Variants in PIK3CD observed in about 807,000 individuals in gnomAD.
The protein encoded by PIK3CD is phosphatidylinositol-4,5-bisphosphate 3-kinase catalytic subunit delta.
In PIK3CD, 20 loss-of-function variants were observed where a neutral mutation model predicts 122.9. The observed-to-expected ratio is 0.16, with a 90% confidence interval of 0.11 to 0.24. PIK3CD has a LOEUF of 0.24. PIK3CD is among the 10% of genes least tolerant of loss of function. The pLI is 1.00. For synonymous variants in PIK3CD, 596 were observed against 593.4 expected, an observed-to-expected ratio of 1.00 and a Z score of -0.06; for missense variants, 787 against 1,406.3, an observed-to-expected ratio of 0.56 and a Z score of 7.04.
intron 1 of PIK3CD, among the ~76,000 whole-genome samples, chr1:9,667,921 T>TG (rs1645212149): frequency 6.8e-6 from 1 of 146,428 alleles, no homozygotes; most frequent in Admixed American, 6.8e-5. Flanking sequence ...TTTTTTTTTT[T>TG]TTTTTTTTTT....
rs1396205131 is a variant in PIK3CD at position 9,704,787 on chromosome 1, T to C, written c.-32-5637T>C. 6.6e-6 allele frequency among the ~76,000 whole-genome samples: 1 copy of C among 152,262 alleles called. No homozygotes were observed. Among genetic ancestry groups the C allele is most frequent in the Non-Finnish European group, 1.5e-5 (1 of 68,046 alleles). On this transcript the variant is annotated intron_variant, in intron 2 of 23. Coordinates refer to ENST00000377346, the MANE Select transcript of PIK3CD (RefSeq NM_005026.5). The surrounding 1 kb of genome is among the most constrained non-coding windows in gnomAD (Gnocchi z 5.0). ...CCTCAGCCTCCCAAAGTGCTGGGAT[T>C]ACAGGCGTGAGCCACCACGCCCAGC...
At chr1:9,676,447 C>T (rs181313239) in intron 1 of PIK3CD, among the ~76,000 whole-genome samples, 18 of 152,320 alleles carry the variant, frequency 1.2e-4, no homozygotes, top group African/African-American at 2.2e-4. Context: ...GGCAGAAGGA[C>T]GCAGCTCTGG....
At chr1:9,655,518 C>A (rs1393373347) in intron 1 of PIK3CD, among the ~76,000 whole-genome samples, 3 of 133,550 alleles carry the variant, frequency 2.2e-5, no homozygotes, top group African/African-American at 8.4e-5. Flanking sequence ...CGGCCATTCT[C>A]CCCTCCCTGA....
At chr1:9,630,605 T>C in the PIK3CD span, among the ~76,000 whole-genome samples, 1 of 152,096 alleles carries the variant, frequency 6.6e-6, no homozygotes, top group African/African-American at 2.4e-5. Context: ...GAGGGGATGA[T>C]ATAGCCAGGA....
intron 1 of PIK3CD, among the ~76,000 whole-genome samples, chr1:9,677,990 C>A (rs180994674): frequency 1.3e-5 from 2 of 151,802 alleles, no homozygotes; most frequent in Admixed American, 1.3e-4. Context: ...ACTAAAAATA[C>A]TAAATTAGCT....
chr1:9,719,231 G>T lies in PIK3CD; in HGVS notation c.1242+316G>T, dbSNP rs1256484336. Reference sequence around the variant, plus strand: ...TCATCCCTGGAGCAGAAAAGCCTGAGTCAGCGGCTGGCCGGGAGGCGTAGT... The same window carrying T: ...TCATCCCTGGAGCAGAAAAGCCTGATTCAGCGGCTGGCCGGGAGGCGTAGT... On this transcript the variant is annotated intron_variant, in intron 9 of 23. Transcript: ENST00000377346. The surrounding 1 kb of genome is among the most constrained non-coding windows in gnomAD (Gnocchi z 5.5). Among the ~76,000 whole-genome samples the T allele has an allele frequency of 6.6e-6, 1 of 152,256 alleles. No homozygotes were observed. The highest frequency in any genetic ancestry group is 6.5e-5 in the Admixed American group (1 of 15,286).
rs1162500446 is a variant in PIK3CD, at chr1:9,723,732, C to T, written c.2595-237C>T. Among the ~76,000 whole-genome samples the T allele has an allele frequency of 6.6e-6, 1 of 152,166 alleles. No homozygotes were observed. Among genetic ancestry groups the T allele is most frequent in the Non-Finnish European group, 1.5e-5 (1 of 68,030 alleles). On this transcript the variant is annotated intron_variant, in intron 20 of 23. Coordinates refer to ENST00000377346, the MANE Select transcript of PIK3CD (RefSeq NM_005026.5). The surrounding 1 kb of genome is among the most constrained non-coding windows in gnomAD (Gnocchi z 4.9). The stretch of plus-strand genomic sequence containing the variant: ...TGCATGTGGTCTCCTCATTTAGCAG[C>T]CTCACCTTCCTTCCGTGGCTCTGTA...
intron 1 of PIK3CD, among the ~76,000 whole-genome samples, chr1:9,683,453 A>AAAC (rs1235277289): frequency 5.9e-5 from 7 of 118,478 alleles, no homozygotes; most frequent in East Asian, 2.4e-4. Flanking sequence ...AAAAAAATAA[A>AAAC]AACAACAACA....
chr1:9,642,094 T>TTTTAATTTAA, the PIK3CD span, among the ~76,000 whole-genome samples: 14 of 151,192 alleles, frequency 9.3e-5, no homozygotes, highest in African/African-American at 3.4e-4. Context: ...CTGTTCTATT[T>TTTTAATTTAA]TTTAATTTAA....
At chr1:9,659,925 A>AT (rs959021507) in intron 1 of PIK3CD, among the ~76,000 whole-genome samples, 5 of 151,724 alleles carry the variant, frequency 3.3e-5, no homozygotes, top group Non-Finnish European at 2.9e-5. Flanking sequence ...TAATTTTTGT[A>AT]TTTTTTTGAG....
At position 9,664,481 on chromosome 1, in the gene PIK3CD, A is replaced by C. The variant is rs1299966977; in HGVS notation, c.-138+12679A>C. 3.3e-5 allele frequency among the ~76,000 whole-genome samples: 5 copies of C among 152,206 alleles called. No homozygotes were observed. In the East Asian group the frequency reaches 7.7e-4, roughly 23 times the overall value. ...ACAAGGGGAGGGTGAACTGGCACCC[A>C]AAGCCCTGCACAGATACAGGGGGTT... On this transcript the variant is annotated intron_variant, in intron 1 of 23. Transcript: ENST00000377346.
intron 2 of PIK3CD, among the ~76,000 whole-genome samples, chr1:9,693,036 CTTTT>C (rs1646265529): frequency 6.6e-6 from 1 of 152,086 alleles, no homozygotes; most frequent in African/African-American, 2.4e-5. Flanking sequence ...AATCCTCATG[CTTTT>C]TTATTTATAA....
At chr1:9,632,659 T>A in the PIK3CD span, among the ~76,000 whole-genome samples, 1 of 152,036 alleles carries the variant, frequency 6.6e-6, no homozygotes, top group Admixed American at 6.6e-5. Context: ...CAATTGAACA[T>A]TAGGAACAAG....
At chr1:9,657,369 A>T (rs946658958) in intron 1 of PIK3CD, among the ~76,000 whole-genome samples, 3 of 152,108 alleles carry the variant, frequency 2.0e-5, no homozygotes, top group African/African-American at 7.2e-5. Flanking sequence ...ATAAACAGGA[A>T]TGTCTTTCTG....
At chr1:9,681,529 C>T (rs1475416902) in intron 1 of PIK3CD, among the ~76,000 whole-genome samples, 1 of 152,230 alleles carries the variant, frequency 6.6e-6, no homozygotes, top group African/African-American at 2.4e-5. Flanking sequence ...ATTCTCCTGC[C>T]TCAGCCTCCC....
the PIK3CD span, among the ~76,000 whole-genome samples, chr1:9,631,059 T>C: frequency 6.6e-6 from 1 of 152,146 alleles, no homozygotes; most frequent in East Asian, 1.9e-4. Context: ...GGACTGACTT[T>C]ACAGCAGAGA....
At chr1:9,673,311 G>A (rs544369687) in intron 1 of PIK3CD, among the ~76,000 whole-genome samples, 26 of 152,046 alleles carry the variant, frequency 1.7e-4, no homozygotes, top group Admixed American at 7.9e-4. Context: ...CCCGGCTGGC[G>A]TGTAATGGTG....
At chr1:9,676,056 C>T (rs889523462) in intron 1 of PIK3CD, among the ~76,000 whole-genome samples, 11 of 151,930 alleles carry the variant, frequency 7.2e-5, no homozygotes, top group Non-Finnish European at 1.5e-4. Flanking sequence ...CTCAGCCTCC[C>T]GAATAGCTGG....
chr1:9,632,106 G>A, the PIK3CD span, among the ~76,000 whole-genome samples: 29 of 152,046 alleles, frequency 1.9e-4, no homozygotes, highest in Admixed American at 1.8e-3. Flanking sequence ...TCCGCCTCCT[G>A]GGTTCAAGCA....
Sources: gnomAD v4.1 joint callset for allele counts (sites outside exome capture counted in the v4.1 genomes callset) on GRCh38, gnomAD v4.1.1 for gene constraint, Gnocchi (gnomAD v3.1) non-coding constraint, MANE v1.5 for transcripts, NCBI Gene and HGNC (gene_info 2026-07-23, HGNC 2026-07-21) for gene names.